The following DNM3 variants were observed in gnomAD, a reference collection of about 807,000 sequenced individuals.
The protein encoded by DNM3 is dynamin-3.
Under a neutral mutation model 101.6 loss-of-function variants are expected in DNM3, and 47 were observed. The observed-to-expected ratio is 0.46, with a 90% confidence interval of 0.37 to 0.59. The LOEUF (loss-of-function observed/expected upper bound fraction) is 0.59, where lower values mean the gene tolerates loss of function less well. Ranked by LOEUF, DNM3 falls within the 20% of genes least tolerant of loss-of-function variation. DNM3 has a pLI of 0.00. For missense variants in DNM3, 849 were observed against 1,085.7 expected, an observed-to-expected ratio of 0.78 and a Z score of 3.06; for synonymous variants, 385 against 387.9, an observed-to-expected ratio of 0.99 and a Z score of 0.09.
Position 171,890,619 on chromosome 1 carries a change from T to G in DNM3, c.162-31129T>G, listed in dbSNP as rs1293712875. On this transcript the variant is annotated intron_variant, in intron 1 of 20. Coordinates refer to ENST00000627582, the MANE Select transcript of DNM3 (RefSeq NM_015569.5). ...ACTGGGAAAAGATATCATTAAGTTG[T>G]TTTTTTTTGTTGATACTGTTCCTGA... is the stretch of plus-strand genomic sequence containing the variant. Among the ~76,000 whole-genome samples, 3 of 150,980 alleles carry G rather than the reference T, an allele frequency of 2.0e-5. No individual in the cohort carries two copies. The East Asian group carries it at 5.8e-4, about 29-fold the overall frequency.
At chr1:172,013,330 A>G (rs959873755) in intron 4 of DNM3, among the ~76,000 whole-genome samples, 55 of 152,118 alleles carry the variant, frequency 3.6e-4, no homozygotes, top group African/African-American at 1.2e-3. Flanking sequence ...AACATGGTAG[A>G]ATGGTATCAT....
intron 7 of DNM3, among the ~76,000 whole-genome samples, chr1:172,041,751 C>T (rs2049407888): frequency 6.6e-6 from 1 of 152,102 alleles, no homozygotes; most frequent in Non-Finnish European, 1.5e-5. Flanking sequence ...CATTTTATGA[C>T]TGCAATCAAA....
intron 14 of DNM3, among the ~76,000 whole-genome samples, chr1:172,227,355 A>G (rs1244572756): frequency 7.0e-6 from 1 of 143,560 alleles, no homozygotes; most frequent in Non-Finnish European, 1.5e-5. Context: ...GGCTGGTTCT[A>G]TATCTTTGCG....
At chr1:172,341,754 G>A (rs1434906864) in intron 17 of DNM3, among the ~76,000 whole-genome samples, 2 of 151,524 alleles carry the variant, frequency 1.3e-5, no homozygotes, top group Non-Finnish European at 3.0e-5. Context: ...AGACCTAAAT[G>A]TAAAATCTAT....
At chr1:172,100,334 T>G (rs1367920737) in intron 13 of DNM3, among the ~76,000 whole-genome samples, 1 of 152,204 alleles carries the variant, frequency 6.6e-6, no homozygotes, top group African/African-American at 2.4e-5. Context: ...TAGACACTAG[T>G]CTTTTTCATA....
intron 1 of DNM3, among the ~76,000 whole-genome samples, chr1:171,869,179 G>T (rs2035045451): frequency 6.6e-6 from 1 of 151,242 alleles, no homozygotes; most frequent in Admixed American, 6.6e-5. Context: ...GTTTTTTTTT[G>T]GAGAAAACCA....
chr1:172,359,556 A>G (rs1407784419), intron 17 of DNM3, among the ~76,000 whole-genome samples: 1 of 151,504 alleles, frequency 6.6e-6, no homozygotes, highest in Non-Finnish European at 1.5e-5. Context: ...TGTTCTTCTC[A>G]TGTTGTTTTA....
chr1:172,216,740 T>TAC lies in DNM3; in HGVS notation c.1660-36821_1660-36820dup, dbSNP rs931201891. ...AGAAAAGAAATGGGAGTAGAGGGAA[T>TAC]ACACACACACACATGCACACACACA... On this transcript the variant is annotated intron_variant, in intron 14 of 20. Coordinates refer to ENST00000627582, the MANE Select transcript of DNM3 (RefSeq NM_015569.5). 1.0e-3 allele frequency among the ~76,000 whole-genome samples: 151 copies of TAC among 150,488 alleles called. 2 individuals carry two copies. Among genetic ancestry groups the TAC allele is most frequent in the Non-Finnish European group, 3.4e-4 (23 of 67,702 alleles).
rs2057467147 is a variant in DNM3 at position 172,139,747 on chromosome 1, G to A, written c.1659+8459G>A. ...ACAAAATAGTACTTAAGAAAAGGCA[G>A]AAAAGGCAAATTCATTTCATATCCA... On this transcript the variant is annotated intron_variant, in intron 14 of 20. Transcript: ENST00000627582. 3 of 152,078 alleles carry A rather than the reference G, an allele frequency of 2.0e-5. No homozygotes were observed. In the South Asian group the frequency reaches 6.2e-4, roughly 31 times the overall value. 9.4% of individuals were successfully genotyped at this position (152,078 alleles called of 1,614,324 possible). A position where few individuals can be genotyped will look rare whatever the true frequency, so the allele number is the denominator to read the frequency against.
At chr1:171,933,782 G>T (rs1462359856) in intron 2 of DNM3, among the ~76,000 whole-genome samples, 1 of 152,166 alleles carries the variant, frequency 6.6e-6, no homozygotes, top group Non-Finnish European at 1.5e-5. Flanking sequence ...TAAAATAAAG[G>T]ATAGTGTGAT....
At chr1:172,361,773 T>C (rs1374001170) in intron 17 of DNM3, among the ~76,000 whole-genome samples, 1 of 152,008 alleles carries the variant, frequency 6.6e-6, no homozygotes, top group Non-Finnish European at 1.5e-5. Context: ...CCTCTCTATG[T>C]TAAATGTTTA....
chr1:172,054,635 GA>G (rs113763930), intron 10 of DNM3, among the ~76,000 whole-genome samples: 1 of 151,726 alleles, frequency 6.6e-6, no homozygotes, highest in African/African-American at 2.4e-5. Flanking sequence ...TTTGCAAGGA[GA>G]AAAAAAATAC....
intron 14 of DNM3, among the ~76,000 whole-genome samples, chr1:172,248,365 C>T (rs1325105152): frequency 6.6e-6 from 1 of 152,060 alleles, no homozygotes; most frequent in Admixed American, 6.6e-5. Flanking sequence ...GTTTATTAAG[C>T]AATGTCTGTA....
rs1008077720 is a variant in DNM3, at chr1:172,411,078, C to CTG, written c.*3243_*3244dup. ...AAGCATGAGTGTGATTGTATGTGCACTGTGTGTATATATATAAATATATGT... is the reference window on the plus strand; with the variant it reads ...AAGCATGAGTGTGATTGTATGTGCACTGTGTGTGTATATATATAAATATATGT... On this transcript the variant is annotated 3_prime_UTR_variant, in exon 21 of 21. Coordinates refer to ENST00000627582, the MANE Select transcript of DNM3 (RefSeq NM_015569.5). 2 of 984,702 alleles carry CTG rather than the reference C, an allele frequency of 2.0e-6. No individual in the cohort carries two copies. The highest frequency in any genetic ancestry group is 4.7e-5 in the South Asian group (1 of 21,266). 61.0% of individuals were successfully genotyped at this position (984,702 alleles called of 1,614,324 possible).
At chr1:172,133,766 A>G (rs150950618) in intron 14 of DNM3, among the ~76,000 whole-genome samples, 214 of 152,242 alleles carry the variant, frequency 1.4e-3, no homozygotes, top group African/African-American at 4.9e-3. Context: ...ATTTTGCTGA[A>G]GAATATTCCA....
At chr1:172,016,534 A>G (rs895746147) in intron 4 of DNM3, among the ~76,000 whole-genome samples, 7 of 152,202 alleles carry the variant, frequency 4.6e-5, no homozygotes, top group Admixed American at 4.6e-4. Flanking sequence ...TGTTGAACCT[A>G]TATTCATAAG....
chr1:171,889,974 T>C (rs1382325514), intron 1 of DNM3, among the ~76,000 whole-genome samples: 2 of 152,228 alleles, frequency 1.3e-5, no homozygotes, highest in Non-Finnish European at 2.9e-5. Context: ...AAGCTTCATT[T>C]TGTGTTGCTC....
chr1:171,935,702 G>T (rs531339077), intron 2 of DNM3, among the ~76,000 whole-genome samples: 2 of 150,038 alleles, frequency 1.3e-5, no homozygotes, highest in Admixed American at 1.3e-4. Context: ...CATCATGATG[G>T]TAGCTAGAAA....
intron 2 of DNM3, 101 bp from the exon 3 acceptor site, chr1:171,987,555 G>C (rs917538663): frequency 3.3e-6 from 4 of 1,217,922 alleles, no homozygotes; most frequent in Non-Finnish European, 4.5e-6. Context: ...GAAGGAAGAA[G>C]AGAGAATATT....
Sources: gnomAD v4.1 joint callset for allele counts (sites outside exome capture counted in the v4.1 genomes callset) on GRCh38, gnomAD v4.1.1 for gene constraint, MANE v1.5 for transcripts, NCBI Gene and HGNC (gene_info 2026-07-23, HGNC 2026-07-21) for gene names.